LSG1: variants seen among roughly 807,000 people sequenced by gnomAD.
The protein encoded by LSG1 is large 60S subunit nuclear export GTPase 1.
A neutral mutation model predicts 82.6 loss-of-function variants in LSG1; 55 were observed. The observed-to-expected ratio is 0.67, with a 90% CI of 0.54 to 0.83. The LOEUF is 0.83. Ranked by LOEUF, LSG1 falls within the 40% of genes least tolerant of loss-of-function variation. LSG1 has a pLI of 0.00. For missense variants in LSG1, 809 were observed against 807.9 expected (o/e 1.00, Z -0.02); for synonymous variants, 272 against 282.5 (o/e 0.96, Z 0.37).
chr3:194,669,211 C>G (rs749623991), intron 2 of LSG1, among the ~76,000 whole-genome samples: 10 of 151,894 alleles, frequency 6.6e-5, no homozygotes, highest in Non-Finnish European at 1.3e-4. Flanking sequence ...ACCGCACACA[C>G]AAAAAAACAA....
At chr3:194,647,227 C>T (rs749110355) in intron 11 of LSG1, among the ~76,000 whole-genome samples, 8 of 152,090 alleles carry the variant, frequency 5.3e-5, no homozygotes, top group Non-Finnish European at 1.2e-4. Context: ...CCAAGTAAAA[C>T]ACCAAACCCA....
Position 194,644,754 on chromosome 3 carries a change from G to T in LSG1, c.1624-8C>A, listed in dbSNP as rs747706610. The T allele has an allele frequency of 1.3e-6, 2 of 1,598,592 alleles. No homozygotes were observed. The highest frequency in any genetic ancestry group is 4.5e-5 in the East Asian group (2 of 44,370). ...GCAGTACAGCAGCTTACCCTACAAA[G>T]ACAACATGAATGACAACAGTGCAGC... On this transcript the variant is annotated splice_region_variant and splice_polypyrimidine_tract_variant and intron_variant, in intron 12 of 13. Coordinates refer to ENST00000265245, the MANE Select transcript of LSG1 (RefSeq NM_018385.3).
At chr3:194,668,506 T>A (rs1356901283) in intron 2 of LSG1, among the ~76,000 whole-genome samples, 1 of 151,990 alleles carries the variant, frequency 6.6e-6, no homozygotes, top group Admixed American at 6.6e-5. Context: ...AACCCAGGAG[T>A]TTATTTTTGT....
chr3:194,652,704 A>G (rs757693346), intron 8 of LSG1, 25 bp downstream of exon 8: 61 of 1,592,740 alleles, frequency 3.8e-5, no homozygotes, highest in Non-Finnish European at 5.1e-5. Flanking sequence ...ACGTGGTAAC[A>G]ATGTTATGAC....
At chr3:194,665,037 G>A (rs1719004657) in intron 5 of LSG1, among the ~76,000 whole-genome samples, 1 of 152,186 alleles carries the variant, frequency 6.6e-6, no homozygotes, top group African/African-American at 2.4e-5. Context: ...CTTTCTATCT[G>A]CAGCAAAGCA....
intron 13 of LSG1, 141 bp from the exon 14 acceptor site, chr3:194,642,388 CCT>C (rs979108336): frequency 3.5e-6 from 2 of 571,894 alleles, no homozygotes; most frequent in Non-Finnish European, 5.8e-6. Context: ...CTTCACTGGT[CCT>C]CTTTCTCCCC....
intron 7 of LSG1, among the ~76,000 whole-genome samples, chr3:194,656,710 G>A (rs1252209361): frequency 2.4e-4 from 36 of 152,086 alleles, no homozygotes; most frequent in African/African-American, 8.2e-4. Context: ...TATGTTTATT[G>A]CAGCACTATT....
Position 194,641,360 on chromosome 3 carries a change from A to T in LSG1, c.*708T>A, listed in dbSNP as rs1352582162. On this transcript the variant is annotated 3_prime_UTR_variant, in exon 14 of 14. Coordinates refer to ENST00000265245, the MANE Select transcript of LSG1 (RefSeq NM_018385.3). Reference sequence around the variant, plus strand: ...AAGCAACCACTAATCTACTTCCTCTATATGGAGATTTGCTTATTCTGGACA... The same window carrying T: ...AAGCAACCACTAATCTACTTCCTCTTTATGGAGATTTGCTTATTCTGGACA... The T allele has an allele frequency of 2.0e-5, 3 of 152,254 alleles. No individual in the cohort carries two copies. The South Asian group carries it at 6.2e-4, about 32-fold the overall frequency. 9.4% of individuals were successfully genotyped at this position (152,254 alleles called of 1,614,324 possible).
intron 8 of LSG1, among the ~76,000 whole-genome samples, chr3:194,651,810 A>G (rs967259390): frequency 3.7e-4 from 56 of 152,226 alleles, no homozygotes; most frequent in African/African-American, 1.3e-3. Flanking sequence ...ATGAAGCTTT[A>G]AAGCTCAGAG....
intron 9 of LSG1, 27 bp downstream of exon 9, chr3:194,651,088 G>C (rs757100921): frequency 2.9e-5 from 46 of 1,613,450 alleles, no homozygotes; most frequent in Non-Finnish European, 3.9e-5. Context: ...AGAGCTGCAT[G>C]CAAGTGGCAA....
intron 13 of LSG1, among the ~76,000 whole-genome samples, chr3:194,644,101 G>A (rs1718457479): frequency 6.6e-6 from 1 of 152,088 alleles, no homozygotes; most frequent in Non-Finnish European, 1.5e-5. Flanking sequence ...GGTGGCTCAC[G>A]CCTGTAATCC....
In LSG1 at chr3:194,642,200, G is replaced by A. The variant is rs150889066; in HGVS notation, c.1845C>T (p.Tyr615=). The A allele has an allele frequency of 9.3e-6, 15 of 1,613,972 alleles. No individual in the cohort carries two copies. The African/African-American group carries it at 2.0e-4, about 22-fold the overall frequency. ...CAGTCACTACACCACTCCCGGGCTT[G>A]TAACCCATCACAGCCTGGACTCCTT... The part of the protein sequence containing the change: ...LTKGVQAVMG[Y]KPGSGVVTAS... Residue 615 remains tyrosine, a synonymous_variant, in exon 14 of 14, where the codon TAC becomes TAT. Coordinates refer to ENST00000265245, the MANE Select transcript of LSG1 (RefSeq NM_018385.3).
chr3:194,670,103 A>G lies in LSG1; in HGVS notation c.132T>C (p.Asp44=), dbSNP rs138457610. ...CTGACTGAAGATTAAGACGACCCCAATCATAGCCATCATTGAGTTCACTTG... is the reference window on the plus strand; with the variant it reads ...CTGACTGAAGATTAAGACGACCCCAGTCATAGCCATCATTGAGTTCACTTG... ...LHTSELNDGY[D]WGRLNLQSVT... is the part of the protein sequence containing the mutation. The change falls in exon 2 of 14, where the codon GAT becomes GAC. Residue 44 remains aspartate (D), a synonymous_variant. Transcript: ENST00000265245. 6.2e-6 allele frequency: 10 copies of G among 1,612,854 alleles called. No individual in the cohort carries two copies. Among genetic ancestry groups the G allele is most frequent in the Admixed American group, 1.7e-5 (1 of 59,852 alleles).
intron 11 of LSG1, 74 bp from the exon 12 acceptor site, chr3:194,646,317 C>T: frequency 2.8e-6 from 3 of 1,057,964 alleles, no homozygotes; most frequent in Non-Finnish European, 4.4e-6. Context: ...GGTGATGTAG[C>T]TTCTATTACT....
At chr3:194,644,513 A>T in intron 13 of LSG1, 60 bp downstream of exon 13, 2 of 1,379,980 alleles carry the variant, frequency 1.4e-6, no homozygotes, top group South Asian at 2.6e-5. Flanking sequence ...TGTGATACTC[A>T]ATAAAGCTGT....
rs747476676 is a variant in LSG1 at position 194,659,044 on chromosome 3, G to A, written c.672C>T (p.Ala224=). 6.8e-6 allele frequency: 11 copies of A among 1,614,192 alleles called. No individual in the cohort carries two copies. The African/African-American group carries it at 1.1e-4, about 16-fold the overall frequency. Residue 224 remains alanine (A), a synonymous_variant, in exon 7 of 14, where the codon GCC becomes GCT. Transcript: ENST00000265245. ...CTTCTTTTTCGAAGTACATGGCCCA[G>A]GCACTCCGCTGCTCAGCAGTCAGCA... ...ADLLTAEQRS[A]WAMYFEKEDV...
intron 2 of LSG1, 26 bp from the exon 3 acceptor site, chr3:194,666,598 T>C: frequency 2.5e-6 from 4 of 1,596,482 alleles, no homozygotes; most frequent in Non-Finnish European, 2.6e-6. Context: ...AAAGTACTAT[T>C]ACTTAAGAGG....
chr3:194,668,815 G>A (rs555571020), intron 2 of LSG1, among the ~76,000 whole-genome samples: 9 of 152,136 alleles, frequency 5.9e-5, no homozygotes, highest in Non-Finnish European at 7.3e-5. Flanking sequence ...GCCCATCAAC[G>A]TATGAATGGA....
chr3:194,649,243 G>C (rs1718621566), intron 10 of LSG1, among the ~76,000 whole-genome samples: 1 of 152,076 alleles, frequency 6.6e-6, no homozygotes, highest in Non-Finnish European at 1.5e-5. Flanking sequence ...CCTTGTACTA[G>C]AGTTATTCAA....
Sources: allele counts gnomAD v4.1 joint callset (sites outside exome capture counted in the v4.1 genomes callset), GRCh38; gene constraint gnomAD v4.1.1; transcripts MANE v1.5; gene names NCBI Gene and HGNC (gene_info 2026-07-23, HGNC 2026-07-21).